DMTN: variants seen among roughly 807,000 people sequenced by gnomAD.
DMTN encodes the protein dematin.
DMTN carries 27 observed loss-of-function variants against 59.4 expected under a neutral mutation model. That is an observed-to-expected ratio of 0.45 (90% CI 0.33 to 0.63). The LOEUF (loss-of-function observed/expected upper bound fraction) is 0.63, where lower values mean the gene tolerates loss of function less well. Ranked by LOEUF, DMTN falls within the 20% of genes least tolerant of loss-of-function variation. The pLI, the probability that DMTN is intolerant of heterozygous loss-of-function variation, is 0.02. For synonymous variants in DMTN, 221 were observed against 203.7 expected, an observed-to-expected ratio of 1.08 and a Z score of -0.72; for missense variants, 451 against 528.9, an observed-to-expected ratio of 0.85 and a Z score of 1.45.
At chr8:22,069,201 CTG>C in intron 5 of DMTN, 141 bp downstream of exon 5, 1 of 1,052,158 alleles carries the variant, frequency 9.5e-7, no homozygotes, top group Non-Finnish European at 1.4e-6. Context: ...CTGGCCAGCT[CTG>C]TGTCCATCAT....
At chr8:22,063,335 G>A (rs573165538) in intron 1 of DMTN, among the ~76,000 whole-genome samples, 63 of 152,298 alleles carry the variant, frequency 4.1e-4, no homozygotes, top group African/African-American at 1.3e-3. Flanking sequence ...TGCAGCTTCC[G>A]GGCTGGTCTC....
rs1228394484 is a variant in DMTN at position 22,081,170 on chromosome 8, G to A, written c.1081G>A (p.Gly361Arg). 6.2e-7 allele frequency: 1 copy of A among 1,612,936 alleles called. No homozygotes were observed. Among genetic ancestry groups the A allele is most frequent in the Non-Finnish European group, 8.5e-7 (1 of 1,179,806 alleles). ...TNKGRTKLPPGVDRMRLERHL... is the reference protein window; with the variant it reads ...TNKGRTKLPPRVDRMRLERHL... ...CAAGGGGCGAACCAAGCTGCCACCG[G>A]GGGTGGATCGGATGCGGCTTGAGGT... Residue 361 changes from glycine to arginine, a missense_variant, in exon 15 of 16, where the codon GGG (glycine) becomes AGG (arginine). Coordinates refer to ENST00000358242, the MANE Select transcript of DMTN (RefSeq NM_001387751.1).
intron 7 of DMTN, 118 bp from the exon 8 acceptor site, chr8:22,070,064 C>T: frequency 6.4e-7 from 1 of 1,556,140 alleles, no homozygotes; most frequent in South Asian, 1.2e-5. Flanking sequence ...GTGCCCCGTG[C>T]TCAGCGTGTA....
chr8:22,053,065 A>G (rs73670328), upstream of DMTN, among the ~76,000 whole-genome samples: 3,648 of 152,276 alleles, frequency 0.024, 133 homozygotes, highest in African/African-American at 0.082. Flanking sequence ...AAATATGCAC[A>G]GAGCGGAAAA....
intron 8 of DMTN, 65 bp downstream of exon 8, chr8:22,070,399 C>T (rs574290044): frequency 5.2e-6 from 8 of 1,524,630 alleles, no homozygotes; most frequent in African/African-American, 1.4e-5. Flanking sequence ...CCCCTTGGCT[C>T]TTGCTGCAGT....
In DMTN at chr8:22,079,974, G is replaced by T. The variant is rs1171407984; in HGVS notation, c.836-206G>T. On this transcript the variant is annotated intron_variant, in intron 10 of 15. Transcript: ENST00000358242. ...TCTAGCTGGAGAGAAGAGGGATGGTGGTAGAGACAGCTGAGAACCACCAGC... is the reference window on the plus strand; with the variant it reads ...TCTAGCTGGAGAGAAGAGGGATGGTTGTAGAGACAGCTGAGAACCACCAGC... 2.6e-5 allele frequency among the ~76,000 whole-genome samples: 4 copies of T among 152,248 alleles called. No homozygotes were observed. In the South Asian group the frequency reaches 8.3e-4, roughly 32 times the overall value.
At chr8:22,068,051 C>CT (rs1179319061) in intron 4 of DMTN, among the ~76,000 whole-genome samples, 6 of 152,190 alleles carry the variant, frequency 3.9e-5, no homozygotes, top group Non-Finnish European at 8.8e-5. Context: ...TAGAGGTGAC[C>CT]TTTCTGCCCA....
At chr8:22,052,283 T>A (rs991286502), upstream of DMTN, among the ~76,000 whole-genome samples, 1 of 152,224 alleles carries the variant, frequency 6.6e-6, no homozygotes, top group Non-Finnish European at 1.5e-5. Flanking sequence ...ATAGTCCATC[T>A]TTTCCTCCCC....
chr8:22,072,522 T>C, intron 9 of DMTN, 72 bp downstream of exon 9: 1 of 1,450,196 alleles, frequency 6.9e-7, no homozygotes, highest in Non-Finnish European at 9.2e-7. Flanking sequence ...TGGCATGCAG[T>C]GGCATGATCT....
rs1164773423 is a variant in DMTN at position 22,056,908 on chromosome 8, CAGACCGCTCAGCCG to C, written c.-394_-381del. 6.6e-6 allele frequency: 1 copy of C among 152,160 alleles called. No individual in the cohort carries two copies. The allele number at this position is 152,160 out of a possible 1,614,324, so 9.4% of individuals were successfully genotyped here. On this transcript the variant is annotated 5_prime_UTR_variant, in exon 1 of 16. Coordinates refer to ENST00000358242, the MANE Select transcript of DMTN (RefSeq NM_001387751.1). ...GAGGGTGGGGGCCCAGAGGGGAGAT[CAGACCGCTCAGCCG>C]AGACCAGCTCCCCTCCTTCGCCAGC...
Position 22,060,169 on chromosome 8 carries a change from C to G in DMTN, c.-172+3033C>G, listed in dbSNP as rs1382448312. On this transcript the variant is annotated intron_variant, in intron 1 of 15. Transcript: ENST00000358242. The surrounding 1 kb of genome is among the most constrained non-coding windows in gnomAD (Gnocchi z 5.0). The stretch of plus-strand genomic sequence containing the variant: ...TCTCTTCCTCCCTCCCTCCCCTCTT[C>G]CTGCTGCAGCTCGCCCTTTCTATCT... Among the ~76,000 whole-genome samples, 2 of 152,188 alleles carry G rather than the reference C, an allele frequency of 1.3e-5. No individual in the cohort carries two copies. The highest frequency in any genetic ancestry group is 1.5e-5 in the Non-Finnish European group (1 of 68,034).
intron 10 of DMTN, among the ~76,000 whole-genome samples, chr8:22,079,792 A>T (rs949278417): frequency 1.4e-4 from 21 of 151,942 alleles, no homozygotes; most frequent in Non-Finnish European, 3.1e-4. Flanking sequence ...AGATTTGATT[A>T]CTAACATTGT....
In DMTN at chr8:22,081,583, GT is replaced by G. The variant is rs1379856440; in HGVS notation, c.*121del. 2 of 815,272 alleles carry G rather than the reference GT, an allele frequency of 2.5e-6. No individual in the cohort carries two copies. Among genetic ancestry groups the G allele is most frequent in the Non-Finnish European group, 4.1e-6 (2 of 493,566 alleles). The allele number at this position is 815,272 out of a possible 1,614,324, so 50.5% of individuals were successfully genotyped here. On this transcript the variant is annotated 3_prime_UTR_variant, in exon 16 of 16. Transcript: ENST00000358242. ...GGGTGGGCTCCTTTCCTCAGGTAGAGTGGGGGGCCAAAACCTCTGCAGTCCC... is the reference window on the plus strand; with the variant it reads ...GGGTGGGCTCCTTTCCTCAGGTAGAGGGGGGGCCAAAACCTCTGCAGTCCC...
At position 22,082,274 on chromosome 8, in the gene DMTN, C is replaced by A. The variant is rs200424061; in HGVS notation, c.*811C>A. On this transcript the variant is annotated 3_prime_UTR_variant, in exon 16 of 16. Transcript: ENST00000358242. ...TCTCACCTACACCCACGCACCCCCC[C>A]ACACACTATGCTCTCTCAAGAATGT... The A allele has an allele frequency of 1.3e-5, 6 of 456,832 alleles. No homozygotes were observed. The highest frequency in any genetic ancestry group is 2.2e-5 in the Non-Finnish European group (5 of 227,020). The allele number at this position is 456,832 out of a possible 1,614,324, so 28.3% of individuals were successfully genotyped here. A position where few individuals can be genotyped will look rare whatever the true frequency, so the allele number is the denominator to read the frequency against.
chr8:22,055,661 C>G (rs192143813), upstream of DMTN: 2 of 152,394 alleles, frequency 1.3e-5, no homozygotes, highest in Non-Finnish European at 2.9e-5. Flanking sequence ...CAGCCACCCC[C>G]GCCTGGCTGC....
intron 14 of DMTN, 30 bp downstream of exon 14, chr8:22,080,900 G>A: frequency 1.3e-6 from 2 of 1,542,388 alleles, no homozygotes; most frequent in Admixed American, 1.9e-5. Context: ...AGCGCCTGTA[G>A]CGGGGCGGGA....
chr8:22,061,070 G>C (rs771134205), intron 1 of DMTN, among the ~76,000 whole-genome samples: 1 of 150,902 alleles, frequency 6.6e-6, no homozygotes, highest in Non-Finnish European at 1.5e-5. Context: ...CCAGGAATTC[G>C]ACACCAGGTT....
chr8:22,049,880 G>C (rs1285863673), upstream of DMTN, among the ~76,000 whole-genome samples: 1 of 152,162 alleles, frequency 6.6e-6, no homozygotes, highest in African/African-American at 2.4e-5. Context: ...CTAAAAATGA[G>C]AGAGGAAGTG....
upstream of DMTN, among the ~76,000 whole-genome samples, chr8:22,050,929 C>T (rs112568001): frequency 0.012 from 1,875 of 152,256 alleles, 15 homozygotes; most frequent in Non-Finnish European, 0.014. Context: ...GTGGTGACTT[C>T]GAAGATGCTA....
Sources: allele counts gnomAD v4.1 joint callset (sites outside exome capture counted in the v4.1 genomes callset), GRCh38; gene constraint gnomAD v4.1.1; non-coding constraint Gnocchi (gnomAD v3.1); transcripts MANE v1.5; gene names NCBI Gene and HGNC (gene_info 2026-07-23, HGNC 2026-07-21).